Variants in CCDC170 observed in about 807,000 individuals in gnomAD.
CCDC170 encodes the protein coiled-coil domain containing 170.
CCDC170 carries 69 observed loss-of-function variants against 72.6 expected under a neutral mutation model. The ratio of observed to expected loss-of-function variants is 0.95; its 90% CI spans 0.78 to 1.16. The LOEUF is 1.16. Among genes scored for constraint, CCDC170 ranks in the 50% most tolerant of loss-of-function variants. The probability of loss-of-function intolerance (pLI) is 0.00; values close to 1 mark genes in which losing one functional copy is unlikely to be tolerated. For synonymous variants in CCDC170, 300 were observed against 303.9 expected (o/e 0.99, Z 0.13); for missense variants, 852 against 832.5 (o/e 1.02, Z -0.29).
intron 1 of CCDC170, among the ~76,000 whole-genome samples, chr6:151,500,928 T>G (rs1781985212): frequency 6.6e-6 from 1 of 152,048 alleles, no homozygotes; most frequent in African/African-American, 2.4e-5. Context: ...AAATGCAAAT[T>G]TGGTGACGTC....
At chr6:151,561,024 C>A (rs142995735) in intron 5 of CCDC170, among the ~76,000 whole-genome samples, 10 of 150,462 alleles carry the variant, frequency 6.6e-5, no homozygotes, top group Non-Finnish European at 1.2e-4. Context: ...GCTTTGTAGT[C>A]TTTTTTTAAA....
At chr6:151,617,162 C>A (rs772194954) in intron 10 of CCDC170, among the ~76,000 whole-genome samples, 8 of 152,094 alleles carry the variant, frequency 5.3e-5, no homozygotes, top group Non-Finnish European at 1.2e-4. Flanking sequence ...TGGCCAGATG[C>A]CCTGATTTAT....
chr6:151,503,901 C>T (rs1039934358), intron 1 of CCDC170, among the ~76,000 whole-genome samples: 5 of 152,184 alleles, frequency 3.3e-5, no homozygotes, highest in Admixed American at 2.0e-4. Context: ...CAGATGGAAC[C>T]TTGTGCCAGA....
chr6:151,543,278 C>T (rs1318533055), intron 3 of CCDC170, among the ~76,000 whole-genome samples: 1 of 151,954 alleles, frequency 6.6e-6, no homozygotes, highest in African/African-American at 2.4e-5. Context: ...CTTGACTGGC[C>T]AATTCTAGTA....
chr6:151,531,677 C>T (rs1171942605), intron 1 of CCDC170, among the ~76,000 whole-genome samples: 4 of 152,066 alleles, frequency 2.6e-5, no homozygotes, highest in Non-Finnish European at 5.9e-5. Flanking sequence ...AAAAACATAC[C>T]CGAGACTGGG....
chr6:151,580,248 C>T (rs952643033), intron 6 of CCDC170, among the ~76,000 whole-genome samples: 2 of 152,014 alleles, frequency 1.3e-5, no homozygotes, highest in African/African-American at 2.4e-5. Flanking sequence ...TCATTCTCTC[C>T]GCTATGTCAT....
At chr6:151,568,876 A>T (rs142922492) in intron 5 of CCDC170, among the ~76,000 whole-genome samples, 1 of 152,236 alleles carries the variant, frequency 6.6e-6, no homozygotes, top group Admixed American at 6.5e-5. Flanking sequence ...TTGCTATATT[A>T]TAATTGGATA....
intron 5 of CCDC170, among the ~76,000 whole-genome samples, chr6:151,556,458 A>G (rs545916113): frequency 2.8e-4 from 43 of 152,386 alleles, no homozygotes; most frequent in Admixed American, 5.2e-4. Context: ...CTGTCTCAAA[A>G]CAAAATCAAA....
chr6:151,555,704 C>T (rs1340691511), intron 5 of CCDC170, among the ~76,000 whole-genome samples: 1 of 152,224 alleles, frequency 6.6e-6, no homozygotes, highest in Non-Finnish European at 1.5e-5. Context: ...ACTCCTCATC[C>T]TGTTACTCAC....
intron 1 of CCDC170, among the ~76,000 whole-genome samples, chr6:151,520,493 G>GT (rs1389570999): frequency 6.6e-6 from 1 of 152,236 alleles, no homozygotes. Context: ...GAGGAATTTG[G>GT]TTTAGAGTTT....
Position 151,538,151 on chromosome 6 carries a change from T to A in CCDC170, c.293T>A (p.Leu98His). The A allele has an allele frequency of 6.2e-7, 1 of 1,614,026 alleles. No individual in the cohort carries two copies. ...AACAATGCCAGAAAATCATCTCTCC[T>A]TACCTCTTTGAGAGACAGAGTTCAG... ...KENNARKSSLLTSLRDRVQEL... is the reference protein window; with the variant it reads ...KENNARKSSLHTSLRDRVQEL... The change falls in exon 3 of 11, where the codon CTT becomes CAT. Residue 98 changes from leucine to histidine, a missense_variant. Coordinates refer to ENST00000239374, the MANE Select transcript of CCDC170 (RefSeq NM_025059.4).
intron 1 of CCDC170, among the ~76,000 whole-genome samples, chr6:151,505,355 G>A (rs1164235891): frequency 6.6e-6 from 1 of 152,090 alleles, no homozygotes; most frequent in East Asian, 1.9e-4. Context: ...GGGAAAATGG[G>A]TCCCATACGG....
intron 9 of CCDC170, among the ~76,000 whole-genome samples, chr6:151,612,042 A>G: frequency 6.6e-6 from 1 of 152,160 alleles, no homozygotes; most frequent in East Asian, 1.9e-4. Flanking sequence ...TTCAGCAGAT[A>G]TTTGACTCTG....
intron 1 of CCDC170, among the ~76,000 whole-genome samples, chr6:151,527,655 GC>G (rs1782431115): frequency 6.6e-6 from 1 of 152,116 alleles, no homozygotes; most frequent in Non-Finnish European, 1.5e-5. Flanking sequence ...ACCACTGGAA[GC>G]TTGGTGGGGG....
Position 151,593,283 on chromosome 6 carries a change from A to G in CCDC170, c.1467+3A>G, listed in dbSNP as rs780064489. ...TTGCCCACAATTTGCAGAGAAAGGT[A>G]GGAGATATTGAAACTTGCTAGTATT... On this transcript the variant is annotated splice_donor_region_variant and intron_variant, in intron 8 of 10. Coordinates refer to ENST00000239374, the MANE Select transcript of CCDC170 (RefSeq NM_025059.4). 127 of 1,611,672 alleles carry G rather than the reference A, an allele frequency of 7.9e-5. No homozygotes were observed. The highest frequency in any genetic ancestry group is 1.1e-4 in the Non-Finnish European group (125 of 1,178,344).
chr6:151,517,151 A>G (rs964091344), intron 1 of CCDC170, among the ~76,000 whole-genome samples: 1 of 152,152 alleles, frequency 6.6e-6, no homozygotes, highest in Admixed American at 6.5e-5. Flanking sequence ...CCTGACCAAC[A>G]TGGAGAAACT....
At chr6:151,524,984 G>C (rs749747985) in intron 1 of CCDC170, among the ~76,000 whole-genome samples, 4 of 143,902 alleles carry the variant, frequency 2.8e-5, no homozygotes, top group African/African-American at 7.9e-5. Flanking sequence ...CCAGGCTGGA[G>C]TGCAGTGGTG....
chr6:151,593,182 C>T lies in CCDC170; in HGVS notation c.1369C>T (p.Arg457Trp), dbSNP rs550166524. 105 of 1,614,146 alleles carry T rather than the reference C, an allele frequency of 6.5e-5. No homozygotes were observed. In the Middle Eastern group the frequency reaches 8.2e-4, roughly 13 times the overall value. Residue 457 changes from arginine (R) to tryptophan (W), a missense_variant, in exon 8 of 11, where the codon CGG becomes TGG. Coordinates refer to ENST00000239374, the MANE Select transcript of CCDC170 (RefSeq NM_025059.4). ...GGCTGCCGAACTTGGCTTTGACATGCGGCTGGACGTGGTTTTAGCTCGAAC... is the reference window on the plus strand; with the variant it reads ...GGCTGCCGAACTTGGCTTTGACATGTGGCTGGACGTGGTTTTAGCTCGAAC... ...QMAAELGFDM[R>W]LDVVLARTEQ...
intron 1 of CCDC170, among the ~76,000 whole-genome samples, chr6:151,523,127 G>A (rs1015509459): frequency 1.3e-5 from 2 of 152,158 alleles, no homozygotes; most frequent in African/African-American, 2.4e-5. Context: ...CTTCTCATGT[G>A]TTTACAAAAT....
Sources: allele counts gnomAD v4.1 joint callset (sites outside exome capture counted in the v4.1 genomes callset), GRCh38; gene constraint gnomAD v4.1.1; transcripts MANE v1.5; gene names NCBI Gene and HGNC (gene_info 2026-07-23, HGNC 2026-07-21).